Variants in STAG3 observed in about 807,000 individuals in gnomAD.
The protein encoded by STAG3 is cohesin subunit SA-3.
In STAG3, 101 loss-of-function variants were observed where a neutral mutation model predicts 160.7. The observed-to-expected ratio is 0.63, with a 90% CI of 0.54 to 0.74. The LOEUF (loss-of-function observed/expected upper bound fraction) is 0.74, where lower values mean the gene tolerates loss of function less well. Ranked by LOEUF, STAG3 falls within the 30% of genes least tolerant of loss-of-function variation. STAG3 has a pLI of 0.00. For missense variants in STAG3, 1,188 were observed against 1,517.4 expected, an observed-to-expected ratio of 0.78 and a Z score of 3.61; for synonymous variants, 519 against 585.0, an observed-to-expected ratio of 0.89 and a Z score of 1.63.
chr7:100,205,475 A>G, intron 29 of STAG3, 91 bp downstream of exon 29: 1 of 1,273,818 alleles, frequency 7.9e-7, no homozygotes, highest in Non-Finnish European at 1.1e-6. Flanking sequence ...TTGAGCATCT[A>G]CTGTCATTCA....
intron 4 of STAG3, among the ~76,000 whole-genome samples, chr7:100,184,533 T>C (rs1271149962): frequency 7.0e-6 from 1 of 142,152 alleles, no homozygotes; most frequent in Admixed American, 7.8e-5. Flanking sequence ...AGTGACGTGA[T>C]CTTGGCTCAC....
intron 29 of STAG3, among the ~76,000 whole-genome samples, chr7:100,208,888 G>A (rs1017177346): frequency 6.6e-6 from 1 of 152,172 alleles, no homozygotes; most frequent in Non-Finnish European, 1.5e-5. Context: ...CAACACAAAT[G>A]TTGGGCAAAA....
intron 32 of STAG3, chr7:100,212,802 A>G (rs74774557): frequency 0.17 from 25,219 of 152,118 alleles, 2,616 homozygotes; most frequent in Middle Eastern, 0.32. Flanking sequence ...CTGTAGTTCC[A>G]GCAACTCGGG....
downstream of STAG3, among the ~76,000 whole-genome samples, chr7:100,214,794 C>G (rs1484251177): frequency 6.6e-6 from 1 of 152,118 alleles, no homozygotes; most frequent in Non-Finnish European, 1.5e-5. Context: ...ATCACAGTAT[C>G]TGAGAGTTAA....
At chr7:100,205,186 C>A in intron 28 of STAG3, 41 bp from the exon 29 acceptor site, 1 of 1,613,282 alleles carries the variant, frequency 6.2e-7, no homozygotes, top group Non-Finnish European at 8.5e-7. Context: ...TGCTGAGGGC[C>A]CAGTAGCCCC....
rs768702798 is a variant in STAG3 at position 100,202,074 on chromosome 7, G to A, written c.2394+33G>A. On this transcript the variant is annotated intron_variant, in intron 23 of 33. Transcript: ENST00000615138. ...CTGACTCAAGTGGGAGCAACAAGGC[G>A]AGTATCCCTGCCCCCATTCCAAGGA... 6.8e-6 allele frequency: 11 copies of A among 1,613,054 alleles called. No homozygotes were observed. The Admixed American group carries it at 8.3e-5, about 12-fold the overall frequency.
At chr7:100,181,765 C>T (rs1367743368) in intron 2 of STAG3, among the ~76,000 whole-genome samples, 1 of 152,020 alleles carries the variant, frequency 6.6e-6, no homozygotes, top group African/African-American at 2.4e-5. Flanking sequence ...TTGGCCAACA[C>T]GGTGAAACAC....
At chr7:100,212,061 A>AT in intron 32 of STAG3, 185 bp downstream of exon 32, 1 of 544,782 alleles carries the variant, frequency 1.8e-6, no homozygotes, top group Non-Finnish European at 3.2e-6. Flanking sequence ...TTATTAAAGA[A>AT]TAAGGAAAAG....
chr7:100,190,022 C>G (rs1170302171), intron 8 of STAG3, among the ~76,000 whole-genome samples: 1 of 152,164 alleles, frequency 6.6e-6, no homozygotes, highest in Non-Finnish European at 1.5e-5. Flanking sequence ...TCCCAGTGAA[C>G]TCGCTTTAAA....
chr7:100,200,739 A>G (rs753767414), intron 18 of STAG3, 30 bp from the exon 19 acceptor site: 1 of 1,611,632 alleles, frequency 6.2e-7, no homozygotes, highest in Non-Finnish European at 8.5e-7. Flanking sequence ...CCATCCCCAC[A>G]GCACACCATC....
intron 5 of STAG3, among the ~76,000 whole-genome samples, chr7:100,188,208 G>T (rs1290661051): frequency 1.3e-5 from 2 of 152,130 alleles, no homozygotes; most frequent in African/African-American, 4.8e-5. Flanking sequence ...GTTGTGTGAG[G>T]TGTGGTTCTT....
chr7:100,203,185 CT>C (rs34123265), intron 25 of STAG3, among the ~76,000 whole-genome samples: 66,707 of 141,032 alleles, frequency 0.47, 15,742 homozygotes, highest in East Asian at 0.68. Context: ...CTTTTCTTTT[CT>C]TTTTTTTTTT....
At chr7:100,187,031 T>A (rs575321865) in intron 5 of STAG3, among the ~76,000 whole-genome samples, 1 of 148,034 alleles carries the variant, frequency 6.8e-6, no homozygotes, top group African/African-American at 2.5e-5. Context: ...CTTTGTTTTG[T>A]TTTTTTTTGT....
intron 8 of STAG3, among the ~76,000 whole-genome samples, chr7:100,193,408 C>T (rs532736636): frequency 2.1e-4 from 32 of 152,248 alleles, no homozygotes; most frequent in South Asian, 4.2e-4. Context: ...TCAATAGCTG[C>T]GAAAATCCTA....
At chr7:100,212,776 A>T (rs1802362006) in intron 32 of STAG3, 1 of 152,056 alleles carries the variant, frequency 6.6e-6, no homozygotes, top group Admixed American at 6.6e-5. Context: ...CTCATCTTTA[A>T]AACAGAGCTG....
intron 6 of STAG3, 107 bp from the exon 7 acceptor site, chr7:100,188,705 G>A: frequency 8.1e-7 from 1 of 1,229,582 alleles, no homozygotes; most frequent in South Asian, 1.3e-5. Flanking sequence ...CAGGAAATGA[G>A]GTATAACAGA....
intron 1 of STAG3, among the ~76,000 whole-genome samples, chr7:100,180,138 C>T (rs1444595982): frequency 6.6e-6 from 1 of 152,116 alleles, no homozygotes; most frequent in Non-Finnish European, 1.5e-5. Flanking sequence ...TCACTGCAGC[C>T]TTGAACTCCT....
chr7:100,180,567 C>T lies in STAG3; in HGVS notation c.11C>T (p.Pro4Leu), dbSNP rs140021945. The T allele has an allele frequency of 7.0e-5, 113 of 1,606,964 alleles. No homozygotes were observed. In the African/African-American group the frequency reaches 1.1e-3, roughly 16 times the overall value. Residue 4 changes from proline (P) to leucine (L), a missense_variant, in exon 2 of 34, where the codon CCG (proline) becomes CTG (leucine). Coordinates refer to ENST00000615138, the MANE Select transcript of STAG3 (RefSeq NM_001282717.2). MSS[P>L]LQRAVGDTKR... Reference sequence around the variant, plus strand: ...TCCTCCTCTCCAAGCATGTCTTCCCCGTTGCAAAGAGCTGTGGGAGATACC... The same window carrying T: ...TCCTCCTCTCCAAGCATGTCTTCCCTGTTGCAAAGAGCTGTGGGAGATACC...
Position 100,180,537 on chromosome 7 carries a change from A to G in STAG3, c.-20A>G. The G allele has an allele frequency of 2.0e-6, 3 of 1,495,906 alleles. No individual in the cohort carries two copies. Among genetic ancestry groups the G allele is most frequent in the Non-Finnish European group, 1.9e-6 (2 of 1,071,882 alleles). 92.7% of individuals were successfully genotyped at this position (1,495,906 alleles called of 1,614,324 possible). A position where few individuals can be genotyped will look rare whatever the true frequency, so the allele number is the denominator to read the frequency against. On this transcript the variant is annotated 5_prime_UTR_variant, in exon 2 of 34. Coordinates refer to ENST00000615138, the MANE Select transcript of STAG3 (RefSeq NM_001282717.2). ...CTGTGGTCCTCATCTTCCTGGCCTC[A>G]TAGCTCCTCCTCTCCAAGCATGTCT...
Sources: gnomAD v4.1 joint callset for allele counts (sites outside exome capture counted in the v4.1 genomes callset) on GRCh38, gnomAD v4.1.1 for gene constraint, MANE v1.5 for transcripts, NCBI Gene and HGNC (gene_info 2026-07-23, HGNC 2026-07-21) for gene names.